Variants in GLIPR1L2 observed in about 807,000 individuals in gnomAD.
The protein encoded by GLIPR1L2 is GLIPR1 like 2.
Under a neutral mutation model 28.4 loss-of-function variants are expected in GLIPR1L2, and 21 were observed. The ratio of observed to expected loss-of-function variants is 0.74; its 90% CI spans 0.52 to 1.06. The LOEUF is 1.06. Among genes scored for constraint, GLIPR1L2 ranks in the 50% least tolerant of loss-of-function variants. The pLI is 0.00. For synonymous variants in GLIPR1L2, 145 were observed against 139.3 expected (o/e 1.04, Z -0.29); for missense variants, 476 against 416.9 (o/e 1.14, Z -1.23).
intron 4 of GLIPR1L2, among the ~76,000 whole-genome samples, chr12:75,426,532 C>A (rs1014984757): frequency 6.6e-6 from 1 of 152,304 alleles, no homozygotes; most frequent in East Asian, 1.9e-4. Context: ...TTTCTTATAT[C>A]TTTCCTATTT....
chr12:75,408,947 A>G (rs1397683782), intron 1 of GLIPR1L2, among the ~76,000 whole-genome samples: 2 of 151,982 alleles, frequency 1.3e-5, no homozygotes, highest in Non-Finnish European at 2.9e-5. Context: ...GAGATATTCT[A>G]AAGGTCTGAT....
rs2139971788 is a variant in GLIPR1L2, at chr12:75,430,728, T to C, written c.684T>C (p.Arg228=). Residue 228 remains arginine, a synonymous_variant, in exon 5 of 6, where the codon CGT becomes CGC. Transcript: ENST00000550916. ...CTDFLCSNAD[R]DQATYYRFWY... ...TTTTCTTTCTAGGTAATGCAGATCG[T>C]GACCAAGCCACATGTATGTATTGTT... is the stretch of plus-strand genomic sequence containing the variant. The C allele has an allele frequency of 1.7e-5, 26 of 1,534,836 alleles. No individual in the cohort carries two copies. The highest frequency in any genetic ancestry group is 2.3e-5 in the Non-Finnish European group (26 of 1,146,502).
chr12:75,412,819 A>G (rs1385604793), intron 2 of GLIPR1L2, among the ~76,000 whole-genome samples: 2 of 152,052 alleles, frequency 1.3e-5, no homozygotes, highest in African/African-American at 2.4e-5. Context: ...TAGAAATACC[A>G]TTTGACCCAG....
chr12:75,417,173 A>T (rs1478134165), intron 3 of GLIPR1L2, among the ~76,000 whole-genome samples: 2 of 152,050 alleles, frequency 1.3e-5, no homozygotes, highest in Non-Finnish European at 1.5e-5. Flanking sequence ...AGCTTATTCT[A>T]GATTATTTGG....
intron 3 of GLIPR1L2, among the ~76,000 whole-genome samples, chr12:75,414,636 A>G (rs944844883): frequency 5.3e-5 from 8 of 152,130 alleles, no homozygotes; most frequent in African/African-American, 1.9e-4. Context: ...ATAGAGTTGC[A>G]AAACATTTTA....
At chr12:75,423,130 T>G in intron 4 of GLIPR1L2, 141 bp downstream of exon 4, 1 of 1,542,108 alleles carries the variant, frequency 6.5e-7, no homozygotes, top group Non-Finnish European at 8.7e-7. Flanking sequence ...AAAGGATGGT[T>G]GACACAGTAT....
At chr12:75,423,194 T>C (rs2045997058) in intron 4 of GLIPR1L2, 1 of 1,412,680 alleles carries the variant, frequency 7.1e-7, no homozygotes, top group Non-Finnish European at 9.2e-7. Context: ...CTTAACCCTA[T>C]TCCTTCCCCT....
At position 75,430,723 on chromosome 12, in the gene GLIPR1L2, G is replaced by C. The variant is rs1173008681; in HGVS notation, c.679G>C (p.Asp227His). Residue 227 changes from aspartate (D) to histidine (H), a missense_variant, in exon 5 of 6, where the codon GAT becomes CAT. Physicochemically the swap from Asp to His is moderately conservative, Grantham distance 81. Coordinates refer to ENST00000550916, the MANE Select transcript of GLIPR1L2 (RefSeq NM_001270396.2). ...TTTCTTTTTCTTTCTAGGTAATGCA[G>C]ATCGTGACCAAGCCACATGTATGTA... ...KCTDFLCSNADRDQATYYRFW... is the reference protein window; with the variant it reads ...KCTDFLCSNAHRDQATYYRFW... 1 of 1,534,538 alleles carries C rather than the reference G, an allele frequency of 6.5e-7. No individual in the cohort carries two copies. The highest frequency in any genetic ancestry group is 2.4e-5 in the East Asian group (1 of 40,868).
intron 1 of GLIPR1L2, among the ~76,000 whole-genome samples, chr12:75,409,973 A>T (rs866538545): frequency 1.1e-4 from 16 of 150,906 alleles, no homozygotes; most frequent in African/African-American, 2.4e-4. Context: ...TAATTCTAAT[A>T]AAGCAATGTG....
At chr12:75,410,387 C>G in intron 1 of GLIPR1L2, 47 bp from the exon 2 acceptor site, 1 of 1,406,126 alleles carries the variant, frequency 7.1e-7, no homozygotes, top group South Asian at 1.7e-5. Context: ...TTTTAGACTA[C>G]AAAAAAAAAC....
At chr12:75,420,442 G>A (rs548120926) in intron 3 of GLIPR1L2, among the ~76,000 whole-genome samples, 10 of 152,268 alleles carry the variant, frequency 6.6e-5, no homozygotes, top group East Asian at 1.9e-4. Context: ...CTGTTAGGCC[G>A]CCCAGGTAAC....
At chr12:75,408,564 C>G (rs897025916) in intron 1 of GLIPR1L2, among the ~76,000 whole-genome samples, 1 of 151,920 alleles carries the variant, frequency 6.6e-6, no homozygotes, top group Admixed American at 6.6e-5. Flanking sequence ...CATAATAAAT[C>G]AGGTTGAAGT....
intron 1 of GLIPR1L2, among the ~76,000 whole-genome samples, chr12:75,406,526 G>A (rs1482512755): frequency 6.6e-6 from 1 of 152,028 alleles, no homozygotes; most frequent in Non-Finnish European, 1.5e-5. Context: ...GGAGGCTGAG[G>A]TGGGAGGATC....
chr12:75,424,233 G>T (rs11180502), intron 4 of GLIPR1L2, among the ~76,000 whole-genome samples: 79,708 of 151,938 alleles, frequency 0.52, 21,028 homozygotes, highest in East Asian at 0.58. Context: ...GCATCTGTTG[G>T]TTCCTGACTT....
At chr12:75,403,967 A>T (rs964554865) in intron 1 of GLIPR1L2, among the ~76,000 whole-genome samples, 4 of 152,232 alleles carry the variant, frequency 2.6e-5, no homozygotes, top group African/African-American at 9.6e-5. Context: ...TCACCTAAAA[A>T]GTAGTTCACA....
At chr12:75,408,737 C>A (rs4882621) in intron 1 of GLIPR1L2, among the ~76,000 whole-genome samples, 76,010 of 151,580 alleles carry the variant, frequency 0.5, 19,411 homozygotes, top group East Asian at 0.58. Context: ...TCTCTACATG[C>A]AAACTGAAAG....
At chr12:75,399,817 T>A (rs990565431) in intron 1 of GLIPR1L2, among the ~76,000 whole-genome samples, 2 of 152,218 alleles carry the variant, frequency 1.3e-5, no homozygotes, top group Admixed American at 1.3e-4. Context: ...GTACTACTGG[T>A]GTGAAAGCAA....
rs117440008 is a variant in GLIPR1L2 at position 75,391,783 on chromosome 12, A to G, written c.234+433A>G. On this transcript the variant is annotated intron_variant, in intron 1 of 5. Transcript: ENST00000550916. Reference sequence around the variant, plus strand: ...CACTCTCAGGGTGGTGCAAATCAAGATGAGATTCTGTTTGTATTTGAAATT... The same window carrying G: ...CACTCTCAGGGTGGTGCAAATCAAGGTGAGATTCTGTTTGTATTTGAAATT... Among the ~76,000 whole-genome samples the G allele has an allele frequency of 2.2e-3, 332 of 152,246 alleles. 4 individuals are homozygous for G. The East Asian group carries it at 0.042, about 19-fold the overall frequency.
intron 1 of GLIPR1L2, among the ~76,000 whole-genome samples, chr12:75,395,732 A>G (rs1378080939): frequency 6.6e-6 from 1 of 151,824 alleles, no homozygotes; most frequent in Non-Finnish European, 1.5e-5. Flanking sequence ...GGTAGGTTGT[A>G]TGTTCCCAGG....
Sources: gnomAD v4.1 joint callset for allele counts (sites outside exome capture counted in the v4.1 genomes callset) on GRCh38, gnomAD v4.1.1 for gene constraint, MANE v1.5 for transcripts, NCBI Gene and HGNC (gene_info 2026-07-23, HGNC 2026-07-21) for gene names.